The following BCAS1 variants were observed in gnomAD, a reference collection of about 807,000 sequenced individuals.
The protein encoded by BCAS1 is brain enriched myelin associated protein 1.
Under a neutral mutation model 65.4 loss-of-function variants are expected in BCAS1, and 46 were observed. The ratio of observed to expected loss-of-function variants is 0.70; its 90% confidence interval spans 0.55 to 0.90. BCAS1 has a LOEUF of 0.90. Among genes scored for constraint, BCAS1 ranks in the 40% least tolerant of loss-of-function variants. BCAS1 has a pLI of 0.00. For missense variants in BCAS1, 793 were observed against 771.2 expected (o/e 1.03, Z -0.33); for synonymous variants, 298 against 293.5 (o/e 1.02, Z -0.16).
chr20:54,009,033 A>C (rs1315411018), intron 4 of BCAS1, among the ~76,000 whole-genome samples: 1 of 152,144 alleles, frequency 6.6e-6, no homozygotes, highest in African/African-American at 2.4e-5. Flanking sequence ...GGCTGGTCTC[A>C]AATTCCTAAA....
chr20:54,052,125 C>T (rs1373495900), intron 3 of BCAS1, among the ~76,000 whole-genome samples: 1 of 152,182 alleles, frequency 6.6e-6, no homozygotes, highest in African/African-American at 2.4e-5. Flanking sequence ...AATTCACATA[C>T]AATAAAATCC....
At chr20:53,981,556 T>C (rs973432400) in intron 8 of BCAS1, among the ~76,000 whole-genome samples, 1 of 151,426 alleles carries the variant, frequency 6.6e-6, no homozygotes, top group South Asian at 2.1e-4. Flanking sequence ...TTTTTTTTTT[T>C]ACTCGATCCT....
At chr20:54,022,698 G>A (rs1231501938) in intron 4 of BCAS1, among the ~76,000 whole-genome samples, 1 of 152,090 alleles carries the variant, frequency 6.6e-6, no homozygotes, top group Non-Finnish European at 1.5e-5. Flanking sequence ...CTACCTTGTT[G>A]GGTTTTTTTA....
intron 3 of BCAS1, among the ~76,000 whole-genome samples, chr20:54,055,109 T>C (rs980096614): frequency 3.9e-5 from 6 of 152,294 alleles, no homozygotes; most frequent in South Asian, 4.1e-4. Context: ...AATTTTTCCC[T>C]ATTCATTCCT....
intron 3 of BCAS1, among the ~76,000 whole-genome samples, chr20:54,046,625 C>T (rs971428645): frequency 2.0e-5 from 3 of 150,816 alleles, no homozygotes; most frequent in Non-Finnish European, 2.9e-5. Context: ...GGGCAGATCA[C>T]CTGAAGTCAA....
At position 54,051,726 on chromosome 20, in the gene BCAS1, T is replaced by TTTGTTGTTG. The variant is rs11470040; in HGVS notation, c.142+6350_142+6358dup. On this transcript the variant is annotated intron_variant, in intron 3 of 12. Transcript: ENST00000688948. The stretch of plus-strand genomic sequence containing the variant: ...TTTGACTATGCTGGTTTTTTTTTTG[T>TTTGTTGTTG]TTGTTGTTGTTGTTGTTGTTGTTGT... 3.7e-3 allele frequency among the ~76,000 whole-genome samples: 545 copies of TTTGTTGTTG among 149,236 alleles called. 10 individuals are homozygous for TTTGTTGTTG. In the South Asian group the frequency reaches 0.043, roughly 12 times the overall value.
At chr20:53,957,569 A>G in intron 10 of BCAS1, 72 bp from the exon 11 acceptor site, 1 of 1,383,710 alleles carries the variant, frequency 7.2e-7, no homozygotes, top group Non-Finnish European at 1.0e-6. Context: ...AAGTTCTGAA[A>G]TGGATGATCT....
intron 12 of BCAS1, among the ~76,000 whole-genome samples, chr20:53,949,729 T>G (rs933131624): frequency 3.9e-5 from 6 of 152,144 alleles, no homozygotes; most frequent in African/African-American, 1.4e-4. Flanking sequence ...TGCCTCTGTC[T>G]CTGACAACCT....
At chr20:53,953,830 A>T in intron 11 of BCAS1, 135 bp from the exon 12 acceptor site, 2 of 1,080,630 alleles carry the variant, frequency 1.9e-6, no homozygotes, top group East Asian at 2.6e-5. Context: ...AGGTGAAATG[A>T]ATATAAAAAA....
chr20:53,986,453 G>A (rs2090618259), intron 7 of BCAS1, among the ~76,000 whole-genome samples: 1 of 151,856 alleles, frequency 6.6e-6, no homozygotes, highest in East Asian at 1.9e-4. Context: ...TTTAACATCA[G>A]GTTCATCTGA....
At chr20:54,043,205 C>T (rs73132907) in intron 3 of BCAS1, among the ~76,000 whole-genome samples, 5,712 of 152,286 alleles carry the variant, frequency 0.038, 142 homozygotes, top group Middle Eastern at 0.095. Flanking sequence ...CACATTGTGA[C>T]GGGCAGGATG....
rs2089212276 is a variant in BCAS1, at chr20:53,943,618, A to G, written c.*1304T>C. The G allele has an allele frequency of 6.6e-6, 1 of 152,242 alleles. No homozygotes were observed. Among genetic ancestry groups the G allele is most frequent in the East Asian group, 1.9e-4 (1 of 5,198 alleles). 9.4% of individuals were successfully genotyped at this position (152,242 alleles called of 1,614,324 possible). On this transcript the variant is annotated 3_prime_UTR_variant, in exon 13 of 13. Transcript: ENST00000688948. ...CATGACTGTCAGTCAATCATATGCT[A>G]CTTTGAATTACATTTTAATAGACTC... is the stretch of plus-strand genomic sequence containing the variant.
intron 10 of BCAS1, among the ~76,000 whole-genome samples, chr20:53,960,665 TTTCC>T (rs371214771): frequency 8.4e-4 from 128 of 151,828 alleles, no homozygotes; most frequent in Middle Eastern, 6.8e-3. Flanking sequence ...ATAACAACTG[TTTCC>T]TTCCTTCCTT....
At chr20:54,017,522 A>G (rs1212350594) in intron 4 of BCAS1, among the ~76,000 whole-genome samples, 1 of 150,728 alleles carries the variant, frequency 6.6e-6, no homozygotes, top group African/African-American at 2.4e-5. Context: ...CAGCTTCCTG[A>G]GTAGCTGAGA....
At chr20:53,973,573 C>A (rs2090240347) in intron 9 of BCAS1, among the ~76,000 whole-genome samples, 1 of 152,132 alleles carries the variant, frequency 6.6e-6, no homozygotes, top group Admixed American at 6.5e-5. Flanking sequence ...ACACAAACAT[C>A]CAAAAAGTTT....
chr20:54,009,251 T>C (rs977257489), intron 4 of BCAS1, among the ~76,000 whole-genome samples: 1 of 152,042 alleles, frequency 6.6e-6, no homozygotes, highest in Non-Finnish European at 1.5e-5. Flanking sequence ...ATTTTAGAAT[T>C]GAAAGGTATA....
At chr20:54,052,366 T>C (rs547972529) in intron 3 of BCAS1, among the ~76,000 whole-genome samples, 1 of 152,328 alleles carries the variant, frequency 6.6e-6, no homozygotes, top group Non-Finnish European at 1.5e-5. Flanking sequence ...ATGTTGCCTT[T>C]TGTGTCTGGC....
chr20:54,022,651 C>T (rs773827873), intron 4 of BCAS1, among the ~76,000 whole-genome samples: 2 of 152,134 alleles, frequency 1.3e-5, no homozygotes, highest in Non-Finnish European at 2.9e-5. Context: ...TAAGTTCTCC[C>T]CAAGTTCTCT....
At chr20:54,051,726 TTTGTTGTTGTTGTTG>T (rs11470040) in intron 3 of BCAS1, among the ~76,000 whole-genome samples, 2 of 149,122 alleles carry the variant, frequency 1.3e-5, no homozygotes, top group Non-Finnish European at 3.0e-5. Flanking sequence ...TTTTTTTTTG[TTTGTTGTTGTTGTTG>T]TTGTTGTTGT....
Sources: gnomAD v4.1 joint callset for allele counts (sites outside exome capture counted in the v4.1 genomes callset) on GRCh38, gnomAD v4.1.1 for gene constraint, MANE v1.5 for transcripts, NCBI Gene and HGNC (gene_info 2026-07-23, HGNC 2026-07-21) for gene names.